The following MS4A6A variants were observed in gnomAD, a reference collection of about 807,000 sequenced individuals.
The protein encoded by MS4A6A is membrane spanning 4-domains A6A.
MS4A6A carries 19 observed loss-of-function variants against 20.6 expected under a neutral mutation model. The ratio of observed to expected loss-of-function variants is 0.92; its 90% CI spans 0.64 to 1.36. The LOEUF (loss-of-function observed/expected upper bound fraction) is 1.36. Among genes scored for constraint, MS4A6A ranks in the 40% most tolerant of loss-of-function variants. MS4A6A has a pLI of 0.00. For missense variants in MS4A6A, 272 were observed against 261.1 expected, an observed-to-expected ratio of 1.04 and a Z score of -0.29; for synonymous variants, 108 against 105.0, an observed-to-expected ratio of 1.03 and a Z score of -0.17.
At chr11:60,173,448 A>G (rs1181933866) in intron 5 of MS4A6A, among the ~76,000 whole-genome samples, 1 of 152,232 alleles carries the variant, frequency 6.6e-6, no homozygotes, top group African/African-American at 2.4e-5. Flanking sequence ...GAGTGGCGTA[A>G]TAACTCCCAG....
downstream of MS4A6A, chr11:60,172,329 A>G (rs968058968): frequency 9.6e-6 from 15 of 1,567,692 alleles, no homozygotes; most frequent in African/African-American, 1.8e-4. Flanking sequence ...CATTTTTCCA[A>G]CTGTATACAT....
chr11:60,172,208 A>G, downstream of MS4A6A: 2 of 1,613,604 alleles, frequency 1.2e-6, no homozygotes, highest in South Asian at 1.1e-5. Flanking sequence ...ATTTTTGAGG[A>G]CATGCCAGAA....
chr11:60,175,641 T>C, intron 4 of MS4A6A, 30 bp from the exon 5 acceptor site: 1 of 1,599,594 alleles, frequency 6.3e-7, no homozygotes, highest in Non-Finnish European at 8.6e-7. Context: ...TAAGGATCAT[T>C]GCTAATGACT....
In MS4A6A at chr11:60,179,903, G is replaced by A. The variant is rs754370880; in HGVS notation, c.210C>T (p.Ser70=). 1.2e-6 allele frequency: 2 copies of A among 1,614,064 alleles called. No individual in the cohort carries two copies. The highest frequency in any genetic ancestry group is 1.7e-6 in the Non-Finnish European group (2 of 1,180,008). The stretch of plus-strand genomic sequence containing the variant: ...TCACTTGGGTAAAATTTGGAGAGAA[G>A]GAAGCAGATGCCAAAATGATCCCCA... ...LSLGIILASA[S]FSPNFTQVTS... The change falls in exon 3 of 6, where the codon TCC becomes TCT. Residue 70 remains serine (S), a synonymous_variant. Coordinates refer to ENST00000528851, the MANE Select transcript of MS4A6A (RefSeq NM_022349.4).
In MS4A6A at chr11:60,178,316, A is replaced by G. The variant is rs1430221064; in HGVS notation, c.283T>C (p.Phe95Leu). Residue 95 changes from phenylalanine (F) to leucine (L), a missense_variant and splice_region_variant, in exon 4 of 6, where the codon TTT (phenylalanine) becomes CTT (leucine). Transcript: ENST00000528851. ...SAYPFIGPFF[F>L]IISGSLSIAT... is the part of the protein sequence containing the mutation. ...ATTGATAGAGAGCCAGAGATGATAAACTAAGATAAAAGAGAAAATGGTCAG... is the reference window on the plus strand; with the variant it reads ...ATTGATAGAGAGCCAGAGATGATAAGCTAAGATAAAAGAGAAAATGGTCAG... 5.0e-6 allele frequency: 8 copies of G among 1,613,334 alleles called. No individual in the cohort carries two copies. The Admixed American group carries it at 5.0e-5, about 10-fold the overall frequency.
chr11:60,173,124 A>T lies in MS4A6A; in HGVS notation c.555T>A (p.Thr185=). The T allele has an allele frequency of 6.2e-7, 1 of 1,612,248 alleles. No homozygotes were observed. The highest frequency in any genetic ancestry group is 1.3e-5 in the African/African-American group (1 of 75,018). ...GAGTGCAAATCAGCATCAGAGAGAG[A>T]GTTCCCTGAAAGTCAAGAAATAAAA... The part of the protein sequence containing the change: ...CYTAKASLAG[T]LSLMLICTLL... The change falls in exon 6 of 6, where the codon ACT becomes ACA. Residue 185 remains threonine (T), a synonymous_variant. Transcript: ENST00000528851.
chr11:60,175,215 T>C (rs1300050079), intron 5 of MS4A6A, among the ~76,000 whole-genome samples, 187 bp downstream of exon 5: 1 of 152,230 alleles, frequency 6.6e-6, no homozygotes, highest in Non-Finnish European at 1.5e-5. Context: ...ACATTTTCAA[T>C]TCCACTCTAT....
chr11:60,178,058 C>T (rs751825651), intron 4 of MS4A6A: 18 of 571,926 alleles, frequency 3.1e-5, no homozygotes, highest in Non-Finnish European at 5.2e-5. Flanking sequence ...TGAATGCAGA[C>T]TTTGATGTAG....
At chr11:60,172,417 T>C, downstream of MS4A6A, 1 of 1,377,818 alleles carries the variant, frequency 7.3e-7, no homozygotes, top group Non-Finnish European at 9.4e-7. Context: ...ACCCTAGTAT[T>C]CATTCTACAC....
At chr11:60,172,330 C>A, downstream of MS4A6A, 1 of 1,561,610 alleles carries the variant, frequency 6.4e-7, no homozygotes, top group Non-Finnish European at 8.6e-7. Flanking sequence ...ATTTTTCCAA[C>A]TGTATACATA....
At chr11:60,173,220 C>G in intron 5 of MS4A6A, 91 bp from the exon 6 acceptor site, 1 of 1,098,468 alleles carries the variant, frequency 9.1e-7, no homozygotes, top group Non-Finnish European at 1.4e-6. Flanking sequence ...TGAAGACCAC[C>G]TCAACCATTA....
rs2134820281 is a variant in MS4A6A, at chr11:60,182,862, C to A, written c.-15+116G>T. On this transcript the variant is annotated intron_variant, in intron 1 of 5. Coordinates refer to ENST00000528851, the MANE Select transcript of MS4A6A (RefSeq NM_022349.4). Reference sequence around the variant, plus strand: ...CTCCTTCCATTTGCCCACTCTATTTCCAAAAGGCCCTAGTGTCTCTTAACT... The same window carrying A: ...CTCCTTCCATTTGCCCACTCTATTTACAAAAGGCCCTAGTGTCTCTTAACT... 2 of 398,766 alleles carry A rather than the reference C, an allele frequency of 5.0e-6. 1 individual carries two copies. Among genetic ancestry groups the A allele is most frequent in the South Asian group, 1.5e-4 (2 of 13,732 alleles). 24.7% of individuals were successfully genotyped at this position (398,766 alleles called of 1,614,324 possible).
At chr11:60,175,967 A>G (rs1856817189) in intron 4 of MS4A6A, among the ~76,000 whole-genome samples, 1 of 152,222 alleles carries the variant, frequency 6.6e-6, no homozygotes, top group South Asian at 2.1e-4. Flanking sequence ...AACGTACCAG[A>G]TGCAGTTTCT....
At chr11:60,180,717 G>A in intron 2 of MS4A6A, 1 of 227,266 alleles carries the variant, frequency 4.4e-6, no homozygotes, top group South Asian at 5.8e-5. Context: ...TCATCATTTA[G>A]AGGCCATCCC....
In MS4A6A at chr11:60,178,273, A is replaced by G; in HGVS notation, c.326T>C (p.Leu109Ser). 6.2e-7 allele frequency: 1 copy of G among 1,613,482 alleles called. No homozygotes were observed. Among genetic ancestry groups the G allele is most frequent in the African/African-American group, 1.3e-5 (1 of 75,012 alleles). Residue 109 changes from leucine to serine, a missense_variant, in exon 4 of 6, where the codon TTA becomes TCA. Physicochemically the swap from Leu to Ser is moderately radical, Grantham distance 145. Transcript: ENST00000528851. ...GSLSIATEKRLTKLLVHSSLV... is the reference protein window; with the variant it reads ...GSLSIATEKRSTKLLVHSSLV... ...TCTCTTACTCACCAAAAGCTTGGTT[A>G]ACCTTTTCTCTGTGGCGATTGATAG...
At chr11:60,174,754 T>G (rs1023853394) in intron 5 of MS4A6A, among the ~76,000 whole-genome samples, 2 of 152,224 alleles carry the variant, frequency 1.3e-5, no homozygotes, top group Non-Finnish European at 2.9e-5. Flanking sequence ...TCCAAAGAGA[T>G]AGAATTCTCC....
At chr11:60,171,996 A>G (rs971411015), downstream of MS4A6A, 41 of 638,764 alleles carry the variant, frequency 6.4e-5, no homozygotes, top group Non-Finnish European at 1.0e-4. Flanking sequence ...GAGATCCCCA[A>G]TGAACACATA....
chr11:60,180,159 C>T (rs2134801072), intron 2 of MS4A6A, 194 bp from the exon 3 acceptor site: 1 of 611,476 alleles, frequency 1.6e-6, no homozygotes. Context: ...ACAGAAGCCA[C>T]AGTCTCAGGT....
intron 1 of MS4A6A, 138 bp from the exon 2 acceptor site, chr11:60,181,879 A>G (rs1857155485): frequency 3.7e-6 from 3 of 808,890 alleles, no homozygotes; most frequent in South Asian, 3.6e-5. Context: ...AGTATGGAAC[A>G]GTGAAAACCA....
Sources: gnomAD v4.1 joint callset for allele counts (sites outside exome capture counted in the v4.1 genomes callset) on GRCh38, gnomAD v4.1.1 for gene constraint, MANE v1.5 for transcripts, NCBI Gene and HGNC (gene_info 2026-07-23, HGNC 2026-07-21) for gene names.